Variants in C1orf159 observed in about 807,000 individuals in gnomAD.
C1orf159 encodes the protein chromosome 1 open reading frame 159.
A neutral mutation model predicts 25.6 loss-of-function variants in C1orf159; 19 were observed. The ratio of observed to expected loss-of-function variants is 0.74; its 90% CI spans 0.52 to 1.09. The LOEUF (loss-of-function observed/expected upper bound fraction) is 1.09. Ranked by LOEUF, C1orf159 falls within the 50% of genes least tolerant of loss-of-function variation. The probability of loss-of-function intolerance (pLI) is 0.00; values close to 1 mark genes in which losing one functional copy is unlikely to be tolerated. For missense variants in C1orf159, 274 were observed against 290.6 expected (o/e 0.94, Z 0.42); for synonymous variants, 139 against 124.7 (o/e 1.12, Z -0.77).
At chr1:1,086,999 G>A (rs1645842094) in intron 6 of C1orf159, 140 bp downstream of exon 6, 2 of 820,526 alleles carry the variant, frequency 2.4e-6, no homozygotes, top group Non-Finnish European at 3.8e-6. Flanking sequence ...AAGCTGCAGG[G>A]GCTGCCACGC....
intron 4 of C1orf159, among the ~76,000 whole-genome samples, chr1:1,088,825 C>T (rs1169361418): frequency 6.6e-6 from 1 of 152,124 alleles, no homozygotes; most frequent in Admixed American, 6.5e-5. Flanking sequence ...GGCCTGAGAC[C>T]CCGGCACGGT....
At chr1:1,092,138 C>T (rs1269423627) in intron 1 of C1orf159, 35 bp from the exon 2 acceptor site, 8 of 374,358 alleles carry the variant, frequency 2.1e-5, no homozygotes, top group Non-Finnish European at 3.8e-5. Context: ...GCCGTGGTCA[C>T]GCGAGGGCAA....
intron 1 of C1orf159, among the ~76,000 whole-genome samples, chr1:1,107,777 C>T (rs980787315): frequency 9.8e-5 from 15 of 152,294 alleles, no homozygotes; most frequent in South Asian, 4.1e-4. Context: ...TTTGTTCTTT[C>T]GCTCTTTGCA....
Position 1,082,671 on chromosome 1 carries a change from T to C in C1orf159, c.*222A>G, listed in dbSNP as rs1180835877. 8.7e-6 allele frequency: 5 copies of C among 572,996 alleles called. No homozygotes were observed. In the South Asian group the frequency reaches 1.0e-4, roughly 11 times the overall value. 35.5% of individuals were successfully genotyped at this position (572,996 alleles called of 1,614,324 possible). On this transcript the variant is annotated 3_prime_UTR_variant, in exon 10 of 10. Coordinates refer to ENST00000421241, the MANE Select transcript of C1orf159 (RefSeq NM_017891.5). Reference sequence around the variant, plus strand: ...GAAGCTCTGAGGTCTCATGGATGCCTGCTCCTGGTCCGATAAACGAGATGG... The same window carrying C: ...GAAGCTCTGAGGTCTCATGGATGCCCGCTCCTGGTCCGATAAACGAGATGG...
Position 1,082,663 on chromosome 1 carries a change from T to C in C1orf159, c.*230A>G. 1.8e-6 allele frequency: 1 copy of C among 564,388 alleles called. No homozygotes were observed. The highest frequency in any genetic ancestry group is 2.0e-5 in the South Asian group (1 of 49,956). 35.0% of individuals were successfully genotyped at this position (564,388 alleles called of 1,614,324 possible). ...CTCGATCTGAAGCTCTGAGGTCTCA[T>C]GGATGCCTGCTCCTGGTCCGATAAA... On this transcript the variant is annotated 3_prime_UTR_variant, in exon 10 of 10. Coordinates refer to ENST00000421241, the MANE Select transcript of C1orf159 (RefSeq NM_017891.5).
chr1:1,095,336 G>A (rs1198476513), intron 1 of C1orf159, among the ~76,000 whole-genome samples: 1 of 152,238 alleles, frequency 6.6e-6, no homozygotes, highest in Non-Finnish European at 1.5e-5. Context: ...TCATCCCTCC[G>A]CATCTTCTTC....
At chr1:1,090,453 T>A (rs1307909133) in intron 3 of C1orf159, 25 bp from the exon 4 acceptor site, 1 of 1,549,492 alleles carries the variant, frequency 6.5e-7, no homozygotes, top group South Asian at 1.2e-5. Context: ...GCAGTGAAAC[T>A]CCAGGACGCG....
rs548374077 is a variant in C1orf159 at position 1,083,308 on chromosome 1, A to T, written c.503-321T>A. ...GTATCATGCACCTCAGGGGGCGACAAGCAGGCCGTAGTCCCAAGACCTCGA... is the reference window on the plus strand; with the variant it reads ...GTATCATGCACCTCAGGGGGCGACATGCAGGCCGTAGTCCCAAGACCTCGA... On this transcript the variant is annotated intron_variant, in intron 9 of 9. Transcript: ENST00000421241. 7 of 323,036 alleles carry T rather than the reference A, an allele frequency of 2.2e-5. No homozygotes were observed. In the South Asian group the frequency reaches 4.6e-4, roughly 21 times the overall value. 20.0% of individuals were successfully genotyped at this position (323,036 alleles called of 1,614,324 possible).
chr1:1,083,860 G>A lies in C1orf159; in HGVS notation c.502+493C>T, dbSNP rs796651118. 42 of 1,470,900 alleles carry A rather than the reference G, an allele frequency of 2.9e-5. No homozygotes were observed. In the African/African-American group the frequency reaches 3.6e-4, roughly 13 times the overall value. 91.1% of individuals were successfully genotyped at this position (1,470,900 alleles called of 1,614,324 possible). A position where few individuals can be genotyped will look rare whatever the true frequency, so the allele number is the denominator to read the frequency against. The stretch of plus-strand genomic sequence containing the variant: ...CTCATGGCCTTGGAGCTGTGTGGCT[G>A]TGCGCCGGTCACTCAGCCTGTGTCT... On this transcript the variant is annotated intron_variant, in intron 9 of 9. Transcript: ENST00000421241.
At chr1:1,088,208 C>T (rs866269093) in intron 4 of C1orf159, among the ~76,000 whole-genome samples, 1 of 96,180 alleles carries the variant, frequency 1.0e-5, no homozygotes, top group Admixed American at 9.4e-5. Context: ...GGACCCCCCC[C>T]CCATGGCCTC....
intron 3 of C1orf159, chr1:1,090,941 C>T (rs1170471806): frequency 3.9e-6 from 6 of 1,550,392 alleles, no homozygotes; most frequent in South Asian, 1.2e-5. Flanking sequence ...CTCAGGGTAC[C>T]CTCAGCTTGT....
chr1:1,084,793 A>G (rs1012350884), intron 7 of C1orf159, among the ~76,000 whole-genome samples: 1 of 152,100 alleles, frequency 6.6e-6, no homozygotes, highest in East Asian at 1.9e-4. Context: ...TTCCCGCCTC[A>G]GCAGAGGGGA....
intron 1 of C1orf159, among the ~76,000 whole-genome samples, chr1:1,104,282 C>T (rs1479407127): frequency 5.3e-5 from 8 of 152,202 alleles, no homozygotes; most frequent in African/African-American, 1.7e-4. Flanking sequence ...CCACTGCACC[C>T]GGCCCAGACA....
intron 1 of C1orf159, among the ~76,000 whole-genome samples, chr1:1,102,026 G>A (rs1298841942): frequency 7.8e-5 from 10 of 127,692 alleles, no homozygotes; most frequent in Non-Finnish European, 1.5e-4. Context: ...AGCCGAGATC[G>A]CACCACTGCA....
At chr1:1,083,091 CA>C (rs933338698) in intron 9 of C1orf159, 104 bp from the exon 10 acceptor site, 1 of 950,656 alleles carries the variant, frequency 1.1e-6, no homozygotes, top group African/African-American at 1.7e-5. Context: ...GCATATGGCA[CA>C]GGCGCCCGGG....
chr1:1,087,949 C>G lies in C1orf159; in HGVS notation c.149-352G>C, dbSNP rs1052670124. On this transcript the variant is annotated intron_variant, in intron 4 of 9. Transcript: ENST00000421241. The surrounding 1 kb of genome is among the most constrained non-coding windows in gnomAD (Gnocchi z 8.3). Reference sequence around the variant, plus strand: ...CCACGCTGCACTCCACGCCGAGCACCCCGGCCCTGAGCACCCCGACCCTGA... The same window carrying G: ...CCACGCTGCACTCCACGCCGAGCACGCCGGCCCTGAGCACCCCGACCCTGA... 6.6e-6 allele frequency among the ~76,000 whole-genome samples: 1 copy of G among 151,784 alleles called. No homozygotes were observed. The highest frequency in any genetic ancestry group is 1.5e-5 in the Non-Finnish European group (1 of 67,922).
chr1:1,091,197 G>A (rs770000880), intron 3 of C1orf159: 19 of 614,796 alleles, frequency 3.1e-5, no homozygotes, highest in Non-Finnish European at 5.5e-5. Context: ...GTCACCGCTG[G>A]CAGAGGTGCT....
rs896359368 is a variant in C1orf159 at position 1,113,895 on chromosome 1, C to T, written c.-136+2165G>A. Among the ~76,000 whole-genome samples the T allele has an allele frequency of 6.7e-5, 10 of 148,930 alleles. No individual in the cohort carries two copies. The East Asian group carries it at 8.0e-4, about 12-fold the overall frequency. On this transcript the variant is annotated intron_variant, in intron 1 of 9. Transcript: ENST00000421241. ...ATGCACAGAGTTTACTGGAGTTGTG[C>T]GCACGCTCCCTCGAGGCCTTTTTTT...
Position 1,087,553 on chromosome 1 carries a change from G to A in C1orf159, c.193C>T (p.Arg65Cys), listed in dbSNP as rs1229192813. Reference sequence around the variant, plus strand: ...GCTGGGAGGGTTCCGTTCCCACAGCGGACGCAGCTGGCGCTCCCGTCCGCG... The same window carrying A: ...GCTGGGAGGGTTCCGTTCCCACAGCAGACGCAGCTGGCGCTCCCGTCCGCG... ...WNADGSASCV[R>C]CGNGTLPAYN... Residue 65 changes from arginine to cysteine, a missense_variant, in exon 5 of 10, where the codon CGC becomes TGC. Arg to Cys is a radical substitution (Grantham distance 180). Coordinates refer to ENST00000421241, the MANE Select transcript of C1orf159 (RefSeq NM_017891.5). This position sits in a 1 kb window ranked among gnomAD's most constrained non-coding sequence, Gnocchi z 8.3. The A allele has an allele frequency of 1.0e-5, 16 of 1,549,086 alleles. No individual in the cohort carries two copies. Among genetic ancestry groups the A allele is most frequent in the African/African-American group, 4.1e-5 (3 of 73,002 alleles).
Sources: gnomAD v4.1 joint callset for allele counts (sites outside exome capture counted in the v4.1 genomes callset) on GRCh38, gnomAD v4.1.1 for gene constraint, Gnocchi (gnomAD v3.1) non-coding constraint, MANE v1.5 for transcripts, NCBI Gene and HGNC (gene_info 2026-07-23, HGNC 2026-07-21) for gene names.